RBM20: variants seen among roughly 807,000 people sequenced by gnomAD.
RBM20 encodes the protein RNA binding motif protein 20, also known as RNA-binding protein 20.
A neutral mutation model predicts 110.1 loss-of-function variants in RBM20; 51 were observed. The observed-to-expected ratio is 0.46, with a 90% CI of 0.37 to 0.59. The LOEUF is 0.59. Among genes scored for constraint, RBM20 ranks in the 20% least tolerant of loss-of-function variants. The pLI is 0.00. For missense variants in RBM20, 1,512 were observed against 1,574.9 expected (o/e 0.96, Z 0.68); for synonymous variants, 589 against 618.2 (o/e 0.95, Z 0.70).
intron 13 of RBM20, 23 bp from the exon 14 acceptor site, chr10:110,835,832 ATGCCCCTTCCTCC>A (rs1378971432): frequency 7.8e-6 from 12 of 1,547,886 alleles, no homozygotes; most frequent in Non-Finnish European, 9.6e-6. Flanking sequence ...CCCTACTAAC[ATGCCCCTTCCTCC>A]ACTTCCCCTC....
chr10:110,769,334 G>A (rs1844153491), intron 1 of RBM20, among the ~76,000 whole-genome samples: 1 of 152,122 alleles, frequency 6.6e-6, no homozygotes, highest in Non-Finnish European at 1.5e-5. Flanking sequence ...TATAATGATG[G>A]GGGTGGGTGT....
intron 1 of RBM20, among the ~76,000 whole-genome samples, chr10:110,696,501 G>A (rs1862666023): frequency 6.6e-6 from 1 of 152,230 alleles, no homozygotes; most frequent in South Asian, 2.1e-4. Context: ...ACAGTGAGCA[G>A]TGCACAGTCC....
chr10:110,770,286 G>T (rs1282825612), intron 1 of RBM20, among the ~76,000 whole-genome samples: 1 of 152,084 alleles, frequency 6.6e-6, no homozygotes, highest in African/African-American at 2.4e-5. Flanking sequence ...AGAAACTGAG[G>T]TACCCCAGTC....
intron 1 of RBM20, among the ~76,000 whole-genome samples, chr10:110,694,855 C>T (rs1288198180): frequency 1.3e-5 from 2 of 152,044 alleles, no homozygotes; most frequent in Non-Finnish European, 2.9e-5. Flanking sequence ...TTGTTGAATT[C>T]AAAATTCAAC....
chr10:110,779,732 G>A (rs76296199), intron 1 of RBM20, among the ~76,000 whole-genome samples: 85 of 152,266 alleles, frequency 5.6e-4, no homozygotes, highest in African/African-American at 2.0e-3. Context: ...TTGCTTGCTT[G>A]GTGTGTGGAG....
chr10:110,788,447 A>G (rs1021294018), intron 5 of RBM20, among the ~76,000 whole-genome samples: 1 of 152,214 alleles, frequency 6.6e-6, no homozygotes, highest in Non-Finnish European at 1.5e-5. Flanking sequence ...TTTTATCATT[A>G]TAACCTCTGT....
intron 1 of RBM20, among the ~76,000 whole-genome samples, chr10:110,692,283 A>G (rs975294986): frequency 9.2e-5 from 14 of 152,242 alleles, no homozygotes; most frequent in African/African-American, 3.1e-4. Context: ...GAAGTTTAGG[A>G]TAAATTTTTC....
intron 1 of RBM20, among the ~76,000 whole-genome samples, chr10:110,738,556 C>A (rs1396256183): frequency 2.0e-5 from 3 of 152,062 alleles, no homozygotes; most frequent in Non-Finnish European, 2.9e-5. Flanking sequence ...TGTGAAATGA[C>A]AGGGAGCTTA....
rs145285127 is a variant in RBM20 at position 110,822,424 on chromosome 10, C to G, written c.3316+489C>G. 2,243 of 456,586 alleles carry G rather than the reference C, an allele frequency of 4.9e-3. 26 individuals are homozygous for G. The highest frequency in any genetic ancestry group is 0.025 in the African/African-American group (1,246 of 50,066). The allele number at this position is 456,586 out of a possible 1,614,324, so 28.3% of individuals were successfully genotyped here. A position where few individuals can be genotyped will look rare whatever the true frequency, so the allele number is the denominator to read the frequency against. On this transcript the variant is annotated intron_variant, in intron 11 of 13. Coordinates refer to ENST00000369519, the MANE Select transcript of RBM20 (RefSeq NM_001134363.3). ...CTTACTACCTCAGACCCATTTTTTGCTAGGGTCTGACAGTGATACAAGACT... is the reference window on the plus strand; with the variant it reads ...CTTACTACCTCAGACCCATTTTTTGGTAGGGTCTGACAGTGATACAAGACT...
chr10:110,667,833 C>T (rs542984494), intron 1 of RBM20, among the ~76,000 whole-genome samples: 59 of 152,074 alleles, frequency 3.9e-4, no homozygotes, highest in Non-Finnish European at 6.2e-4. Flanking sequence ...ATTCCTGGGC[C>T]CCTGGTGTCC....
chr10:110,828,690 G>A (rs1845011978), intron 12 of RBM20, among the ~76,000 whole-genome samples: 1 of 152,188 alleles, frequency 6.6e-6, no homozygotes, highest in South Asian at 2.1e-4. Context: ...TTTCACAGAT[G>A]AGGAAACTAA....
At position 110,737,193 on chromosome 10, in the gene RBM20, A is replaced by AAAAAAAAAAC. The variant is rs796374212; in HGVS notation, c.192-43604_192-43603insAAAAACAAAA. 4.3e-3 allele frequency among the ~76,000 whole-genome samples: 506 copies of AAAAAAAAAAC among 116,444 alleles called. 37 individuals carry two copies. Among genetic ancestry groups the AAAAAAAAAAC allele is most frequent in the African/African-American group, 0.014 (393 of 27,416 alleles). 76.4% of individuals were successfully genotyped at this position (116,444 alleles called of 152,430 possible). A position where few individuals can be genotyped will look rare whatever the true frequency, so the allele number is the denominator to read the frequency against. ...ACTCTGCCTCAAAAAAAAAAAAAAAAAAAACACCCCACACACACACTCAAA... is the reference window on the plus strand; with the variant it reads ...ACTCTGCCTCAAAAAAAAAAAAAAAAAAAAAAAAACAAAACACCCCACACACACACTCAAA... On this transcript the variant is annotated intron_variant, in intron 1 of 13. Coordinates refer to ENST00000369519, the MANE Select transcript of RBM20 (RefSeq NM_001134363.3).
chr10:110,714,130 G>A (rs774544651), intron 1 of RBM20, among the ~76,000 whole-genome samples: 8 of 152,158 alleles, frequency 5.3e-5, no homozygotes, highest in Non-Finnish European at 1.5e-5. Context: ...GACATGCTAA[G>A]CCTCCTGAGT....
chr10:110,793,660 G>A (rs1348527061), intron 5 of RBM20, among the ~76,000 whole-genome samples: 1 of 152,230 alleles, frequency 6.6e-6, no homozygotes, highest in African/African-American at 2.4e-5. Context: ...ATCGTTGGCT[G>A]CCTGTGATTA....
intron 1 of RBM20, among the ~76,000 whole-genome samples, chr10:110,688,188 C>A (rs1269405058): frequency 6.6e-6 from 1 of 152,128 alleles, no homozygotes; most frequent in Non-Finnish European, 1.5e-5. Flanking sequence ...TTTTGAAATA[C>A]AAATAGCTCT....
At chr10:110,650,827 G>A (rs1861935811) in intron 1 of RBM20, among the ~76,000 whole-genome samples, 1 of 152,162 alleles carries the variant, frequency 6.6e-6, no homozygotes, top group African/African-American at 2.4e-5. Flanking sequence ...GCCCTCCAGT[G>A]TCAGGAGTAG....
At chr10:110,751,748 A>G (rs951790084) in intron 1 of RBM20, among the ~76,000 whole-genome samples, 3 of 152,204 alleles carry the variant, frequency 2.0e-5, no homozygotes, top group Non-Finnish European at 4.4e-5. Flanking sequence ...GTTAAATAAC[A>G]TCAAAGTTTA....
chr10:110,772,673 A>G (rs1844209059), intron 1 of RBM20, among the ~76,000 whole-genome samples: 1 of 152,230 alleles, frequency 6.6e-6, no homozygotes, highest in Admixed American at 6.5e-5. Flanking sequence ...TTGCCTAACA[A>G]CACATTTCTC....
At chr10:110,668,989 C>G (rs996109131) in intron 1 of RBM20, among the ~76,000 whole-genome samples, 1 of 151,642 alleles carries the variant, frequency 6.6e-6, no homozygotes. Context: ...TTATGGAAAA[C>G]ATATTTACAG....
Sources: allele counts gnomAD v4.1 joint callset (sites outside exome capture counted in the v4.1 genomes callset), GRCh38; gene constraint gnomAD v4.1.1; transcripts MANE v1.5; gene names NCBI Gene and HGNC (gene_info 2026-07-23, HGNC 2026-07-21).